The following HPF1 variants were observed in gnomAD, a reference collection of about 807,000 sequenced individuals.
HPF1 encodes UPF0609 protein C4orf27.
A neutral mutation model predicts 38.8 loss-of-function variants in HPF1; 35 were observed. That is an observed-to-expected ratio of 0.90 (90% CI 0.69 to 1.19). The LOEUF is 1.19. Among genes scored for constraint, HPF1 ranks in the 50% most tolerant of loss-of-function variants. The pLI, the probability that HPF1 is intolerant of heterozygous loss-of-function variation, is 0.00. For synonymous variants in HPF1, 115 were observed against 139.2 expected, an observed-to-expected ratio of 0.83 and a Z score of 1.22; for missense variants, 367 against 405.8, an observed-to-expected ratio of 0.90 and a Z score of 0.82.
intron 1 of HPF1, 126 bp from the exon 2 acceptor site, chr4:169,753,961 G>T (rs1035512432): frequency 4.3e-6 from 3 of 705,564 alleles, no homozygotes; most frequent in Non-Finnish European, 6.9e-6. Flanking sequence ...TCTCTAAATG[G>T]TCTTTGAGTA....
chr4:169,730,008 A>G (rs1418131069), intron 7 of HPF1, among the ~76,000 whole-genome samples: 1 of 152,146 alleles, frequency 6.6e-6, no homozygotes, highest in African/African-American at 2.4e-5. Context: ...GCCCACAAAT[A>G]CTTTTTATTC....
intron 5 of HPF1, among the ~76,000 whole-genome samples, chr4:169,741,424 T>C (rs1648367880): frequency 6.6e-6 from 1 of 152,172 alleles, no homozygotes; most frequent in African/African-American, 2.4e-5. Flanking sequence ...TCTTCCAGCT[T>C]GTCATTAACT....
Position 169,737,721 on chromosome 4 carries a change from T to C in HPF1, c.675A>G (p.Ala225=), listed in dbSNP as rs140798165. 32 of 1,612,442 alleles carry C rather than the reference T, an allele frequency of 2.0e-5. No individual in the cohort carries two copies. The highest frequency in any genetic ancestry group is 4.4e-5 in the South Asian group (4 of 91,014). The change falls in exon 6 of 8, where the codon GCA becomes GCG. Residue 225 remains alanine, a synonymous_variant. Transcript: ENST00000393381. ...KKVVTKTFHG[A]GLVVPVDKND... ...TTTTATCTACTGGAACAACCAAGCC[T>C]GCACCATGAAAGGTCTTTGTCACAA...
intron 4 of HPF1, among the ~76,000 whole-genome samples, chr4:169,743,408 CCTTTTT>C (rs1240159559): frequency 2.0e-3 from 152 of 74,238 alleles, no homozygotes; most frequent in African/African-American, 8.4e-3. Flanking sequence ...CTGCCCCTGG[CCTTTTT>C]TTTTTTTTTT....
intron 5 of HPF1, among the ~76,000 whole-genome samples, chr4:169,739,449 C>G (rs1733937979): frequency 6.6e-6 from 1 of 151,426 alleles, no homozygotes; most frequent in Non-Finnish European, 1.5e-5. Context: ...CAATGGCCAA[C>G]AGAGAAAAGT....
At chr4:169,747,776 A>G (rs1269214058) in intron 4 of HPF1, among the ~76,000 whole-genome samples, 1 of 152,226 alleles carries the variant, frequency 6.6e-6, no homozygotes, top group East Asian at 1.9e-4. Context: ...CAGAGGCAGA[A>G]GAGATACCAC....
chr4:169,746,401 TAACATTTTTCAAATGTTAACATTA>T (rs981805778), intron 4 of HPF1, among the ~76,000 whole-genome samples: 4 of 152,312 alleles, frequency 2.6e-5, no homozygotes, highest in East Asian at 1.9e-4. Context: ...CTTTCTAAGT[TAACATTTTTCAAATGTTAACATTA>T]AACATTTTTC....
chr4:169,736,314 T>G (rs1346921365), intron 6 of HPF1, among the ~76,000 whole-genome samples: 1 of 145,444 alleles, frequency 6.9e-6, no homozygotes, highest in Non-Finnish European at 1.5e-5. Context: ...ACAGGTTAAT[T>G]GCACCACTGC....
chr4:169,740,946 CAA>C (rs1733961519), intron 5 of HPF1, among the ~76,000 whole-genome samples: 1 of 152,216 alleles, frequency 6.6e-6, no homozygotes, highest in East Asian at 1.9e-4. Context: ...AACTAGGTTA[CAA>C]ATGCTACCCT....
chr4:169,745,129 C>T (rs929808415), intron 4 of HPF1, among the ~76,000 whole-genome samples: 10 of 152,128 alleles, frequency 6.6e-5, no homozygotes, highest in Admixed American at 6.5e-4. Flanking sequence ...GGTGCACGGA[C>T]AGACAGAACC....
rs143255886 is a variant in HPF1 at position 169,749,265 on chromosome 4, G to A, written c.399-423C>T. Among the ~76,000 whole-genome samples, 443 of 152,262 alleles carry A rather than the reference G, an allele frequency of 2.9e-3. 2 individuals carry two copies. Among genetic ancestry groups the A allele is most frequent in the Middle Eastern group, 6.8e-3 (2 of 294 alleles). On this transcript the variant is annotated intron_variant, in intron 3 of 7. Transcript: ENST00000393381. The stretch of plus-strand genomic sequence containing the variant: ...TTATACTGTTGCTGGTGTATATGTA[G>A]TAGATATGGAATGAATGTTTTCAGT...
chr4:169,743,475 C>T (rs565620017), intron 4 of HPF1, among the ~76,000 whole-genome samples: 51 of 121,370 alleles, frequency 4.2e-4, no homozygotes, highest in Non-Finnish European at 7.4e-4. Flanking sequence ...CACTAAAGGT[C>T]GATAGATTTT....
intron 2 of HPF1, among the ~76,000 whole-genome samples, chr4:169,753,341 CTA>C (rs1478508752): frequency 6.6e-6 from 1 of 151,038 alleles, no homozygotes; most frequent in African/African-American, 2.4e-5. Context: ...GCCAATTATT[CTA>C]TGTTTTAGAG....
At chr4:169,752,501 A>G (rs1734132672) in intron 2 of HPF1, among the ~76,000 whole-genome samples, 1 of 152,178 alleles carries the variant, frequency 6.6e-6, no homozygotes, top group African/African-American at 2.4e-5. Flanking sequence ...GCCCATTAAC[A>G]GTTTCTTTAT....
chr4:169,748,618 C>A, intron 4 of HPF1, 126 bp downstream of exon 4: 1 of 505,612 alleles, frequency 2.0e-6, no homozygotes, highest in Non-Finnish European at 3.5e-6. Context: ...GCGATCTGCC[C>A]ACCTCGGCCT....
chr4:169,735,245 A>T (rs1733878460), intron 6 of HPF1, among the ~76,000 whole-genome samples: 1 of 152,174 alleles, frequency 6.6e-6, no homozygotes, highest in African/African-American at 2.4e-5. Flanking sequence ...TACAATAAAG[A>T]GTTGGGTGAG....
At chr4:169,730,428 T>C (rs1446154048) in intron 7 of HPF1, among the ~76,000 whole-genome samples, 2 of 152,250 alleles carry the variant, frequency 1.3e-5, no homozygotes, top group African/African-American at 2.4e-5. Flanking sequence ...GGTCAATGAC[T>C]GTCATTCTGG....
chr4:169,730,143 A>G (rs765500967), intron 7 of HPF1, among the ~76,000 whole-genome samples: 5 of 152,102 alleles, frequency 3.3e-5, no homozygotes, highest in Non-Finnish European at 5.9e-5. Context: ...CCCATCCCCA[A>G]CACGTACCGC....
intron 4 of HPF1, among the ~76,000 whole-genome samples, chr4:169,744,363 T>C (rs1451948715): frequency 6.6e-6 from 1 of 152,222 alleles, no homozygotes; most frequent in East Asian, 1.9e-4. Context: ...CATATGACAT[T>C]ATTATGACTA....
Sources: allele counts gnomAD v4.1 joint callset (sites outside exome capture counted in the v4.1 genomes callset), GRCh38; gene constraint gnomAD v4.1.1; transcripts MANE v1.5; gene names NCBI Gene and HGNC (gene_info 2026-07-23, HGNC 2026-07-21).